ERP44: variants seen among roughly 807,000 people sequenced by gnomAD.
ERP44 encodes the protein endoplasmic reticulum protein 44.
ERP44 carries 25 observed loss-of-function variants against 53.4 expected under a neutral mutation model. That is an observed-to-expected ratio of 0.47 (90% CI 0.34 to 0.65). The LOEUF (loss-of-function observed/expected upper bound fraction) is 0.65. Among genes scored for constraint, ERP44 ranks in the 30% least tolerant of loss-of-function variants. The pLI, the probability that ERP44 is intolerant of heterozygous loss-of-function variation, is 0.01. For synonymous variants in ERP44, 145 were observed against 161.2 expected (o/e 0.90, Z 0.76); for missense variants, 338 against 493.2 (o/e 0.69, Z 2.98).
intron 1 of ERP44, among the ~76,000 whole-genome samples, chr9:100,094,613 G>A (rs745978294): frequency 6.6e-6 from 1 of 151,926 alleles, no homozygotes; most frequent in African/African-American, 2.4e-5. Context: ...AGTCAAGATG[G>A]TGCCACTGCA....
chr9:99,982,903 A>G lies in ERP44; in HGVS notation c.1120-190T>C, dbSNP rs183472245. 3.9e-5 allele frequency among the ~76,000 whole-genome samples: 6 copies of G among 152,260 alleles called. No homozygotes were observed. In the East Asian group the frequency reaches 1.2e-3, roughly 29 times the overall value. ...TTCCTCATTTCAAATGCTCTTATTGAGATTCTCCAGGGCAGGGTTGCCACA... is the reference window on the plus strand; with the variant it reads ...TTCCTCATTTCAAATGCTCTTATTGGGATTCTCCAGGGCAGGGTTGCCACA... On this transcript the variant is annotated intron_variant, in intron 11 of 11. Coordinates refer to ENST00000262455, the MANE Select transcript of ERP44 (RefSeq NM_015051.3).
chr9:100,024,981 T>G (rs1830637431), intron 4 of ERP44, among the ~76,000 whole-genome samples: 1 of 152,180 alleles, frequency 6.6e-6, no homozygotes, highest in Non-Finnish European at 1.5e-5. Context: ...CTAAAATTAT[T>G]GCCAGGTACA....
At position 100,022,842 on chromosome 9, in the gene ERP44, G is replaced by A. The variant is rs558636074; in HGVS notation, c.287-616C>T. Among the ~76,000 whole-genome samples, 10 of 152,220 alleles carry A rather than the reference G, an allele frequency of 6.6e-5. No homozygotes were observed. In the South Asian group the frequency reaches 1.0e-3, roughly 16 times the overall value. ...AAAATGGAATATGAGCTCTCAGAAGGGGGGCTGGAGGAAAAGATTATATAA... is the reference window on the plus strand; with the variant it reads ...AAAATGGAATATGAGCTCTCAGAAGAGGGGCTGGAGGAAAAGATTATATAA... On this transcript the variant is annotated intron_variant, in intron 4 of 11. Transcript: ENST00000262455.
intron 10 of ERP44, among the ~76,000 whole-genome samples, chr9:99,989,686 T>C (rs1322921433): frequency 1.3e-5 from 2 of 151,798 alleles, no homozygotes; most frequent in Admixed American, 6.6e-5. Flanking sequence ...AGCAGGAAAG[T>C]TGACAGAAGT....
intron 9 of ERP44, 142 bp from the exon 10 acceptor site, chr9:100,006,789 C>G: frequency 1.8e-6 from 1 of 558,306 alleles, no homozygotes; most frequent in Non-Finnish European, 3.1e-6. Flanking sequence ...AAAACTAAAA[C>G]CTAAATATCT....
chr9:100,031,673 T>C (rs558902841), intron 4 of ERP44, among the ~76,000 whole-genome samples: 37 of 152,280 alleles, frequency 2.4e-4, no homozygotes, highest in African/African-American at 8.4e-4. Context: ...AATAAGAAAT[T>C]TAAAAGAACT....
At chr9:100,075,067 C>T (rs1004761190) in intron 1 of ERP44, among the ~76,000 whole-genome samples, 4 of 152,286 alleles carry the variant, frequency 2.6e-5, no homozygotes, top group African/African-American at 4.8e-5. Context: ...AAAACAATAT[C>T]GCATCCTTGG....
chr9:100,081,835 C>T (rs1213704108), intron 1 of ERP44, among the ~76,000 whole-genome samples: 5 of 152,072 alleles, frequency 3.3e-5, no homozygotes, highest in South Asian at 2.1e-4. Context: ...TTAGGAAAAA[C>T]GTTGTAGGTA....
At chr9:100,048,852 CA>C (rs988760604) in intron 4 of ERP44, among the ~76,000 whole-genome samples, 1 of 152,012 alleles carries the variant, frequency 6.6e-6, no homozygotes, top group African/African-American at 2.4e-5. Flanking sequence ...AAGTGGTTGC[CA>C]GGGGCTGGGG....
rs1272468587 is a variant in ERP44, at chr9:100,006,634, A to G, written c.888T>C (p.Phe296=). ...TAAATTTGTCACAATCGGCATGTAAAAAGTTTATTGTACCTTTAAGAAAAA... is the reference window on the plus strand; with the variant it reads ...TAAATTTGTCACAATCGGCATGTAAGAAGTTTATTGTACCTTTAAGAAAAA... ...QLISEKGTIN[F]LHADCDKFRH... Residue 296 remains phenylalanine, a synonymous_variant, in exon 10 of 12, where the codon TTT becomes TTC. Coordinates refer to ENST00000262455, the MANE Select transcript of ERP44 (RefSeq NM_015051.3). 4 of 1,596,518 alleles carry G rather than the reference A, an allele frequency of 2.5e-6. No individual in the cohort carries two copies. The highest frequency in any genetic ancestry group is 3.4e-6 in the Non-Finnish European group (4 of 1,174,400).
intron 5 of ERP44, 56 bp from the exon 6 acceptor site, chr9:100,020,787 T>A (rs1386651499): frequency 1.2e-6 from 1 of 867,624 alleles, no homozygotes; most frequent in Non-Finnish European, 1.9e-6. Flanking sequence ...ATAAACATGT[T>A]ATTTCATTTA....
At chr9:100,019,392 A>C (rs1450496182) in intron 6 of ERP44, among the ~76,000 whole-genome samples, 2 of 152,174 alleles carry the variant, frequency 1.3e-5, no homozygotes, top group Non-Finnish European at 2.9e-5. Flanking sequence ...AAAAACAAAA[A>C]ACTGATAATG....
chr9:100,029,847 T>G (rs1298015608), intron 4 of ERP44, among the ~76,000 whole-genome samples: 2 of 152,186 alleles, frequency 1.3e-5, no homozygotes, highest in South Asian at 4.1e-4. Flanking sequence ...CCCAGCACTT[T>G]GGGAGACCGA....
intron 1 of ERP44, among the ~76,000 whole-genome samples, chr9:100,096,000 G>A (rs1242026103): frequency 6.6e-6 from 1 of 151,932 alleles, no homozygotes; most frequent in Non-Finnish European, 1.5e-5. Context: ...AACAAACCGA[G>A]AACAACAATG....
chr9:100,012,229 T>C (rs1481083585), intron 8 of ERP44, among the ~76,000 whole-genome samples: 2 of 152,174 alleles, frequency 1.3e-5, no homozygotes, highest in African/African-American at 2.4e-5. Context: ...AATATGGCAT[T>C]GCATTAAGAT....
chr9:100,006,819 C>T (rs575088769), intron 9 of ERP44, among the ~76,000 whole-genome samples, 172 bp from the exon 10 acceptor site: 1 of 152,206 alleles, frequency 6.6e-6, no homozygotes, highest in East Asian at 1.9e-4. Context: ...AATAGGTAGG[C>T]TTTTAGTTCT....
chr9:100,077,904 C>A (rs1004488075), intron 1 of ERP44, among the ~76,000 whole-genome samples: 3 of 152,154 alleles, frequency 2.0e-5, no homozygotes, highest in Non-Finnish European at 2.9e-5. Context: ...CCAGGCAGAA[C>A]TACAAATGGC....
chr9:100,012,940 T>C (rs1261608073), intron 8 of ERP44, among the ~76,000 whole-genome samples: 1 of 152,156 alleles, frequency 6.6e-6, no homozygotes, highest in Non-Finnish European at 1.5e-5. Context: ...TTTTGCCTTA[T>C]ATATCCCAGT....
intron 4 of ERP44, among the ~76,000 whole-genome samples, chr9:100,027,935 C>A (rs1398784240): frequency 6.6e-6 from 1 of 152,036 alleles, no homozygotes; most frequent in Non-Finnish European, 1.5e-5. Context: ...CAAACATCCC[C>A]AAAAAACAAA....
Sources: allele counts gnomAD v4.1 joint callset (sites outside exome capture counted in the v4.1 genomes callset), GRCh38; gene constraint gnomAD v4.1.1; transcripts MANE v1.5; gene names NCBI Gene and HGNC (gene_info 2026-07-23, HGNC 2026-07-21).